XIRP2: variants seen among roughly 807,000 people sequenced by gnomAD.
The protein encoded by XIRP2 is xin actin binding repeat containing 2.
In XIRP2, 236 loss-of-function variants were observed where a neutral mutation model predicts 277.0. The ratio of observed to expected loss-of-function variants is 0.85; its 90% CI spans 0.77 to 0.95. The LOEUF (loss-of-function observed/expected upper bound fraction) is 0.95, where lower values mean the gene tolerates loss of function less well. XIRP2 is among the 40% of genes least tolerant of loss of function. The pLI is 0.00. For missense variants in XIRP2, 4,640 were observed against 4,157.5 expected (o/e 1.12, Z -3.19); for synonymous variants, 1,490 against 1,416.5 (o/e 1.05, Z -1.17).
At chr2:167,022,355 G>T (rs1001448543) in intron 2 of XIRP2, among the ~76,000 whole-genome samples, 5 of 151,996 alleles carry the variant, frequency 3.3e-5, no homozygotes, top group African/African-American at 1.2e-4. Flanking sequence ...AAGACACAAT[G>T]ATTTTCTAAA....
chr2:166,946,346 C>A (rs568613127), intron 2 of XIRP2, among the ~76,000 whole-genome samples: 1 of 152,280 alleles, frequency 6.6e-6, no homozygotes, highest in Non-Finnish European at 1.5e-5. Flanking sequence ...AGGCCACTAA[C>A]TGCGCAAACT....
At chr2:167,178,887 G>A (rs1692931070) in intron 3 of XIRP2, among the ~76,000 whole-genome samples, 2 of 152,104 alleles carry the variant, frequency 1.3e-5, no homozygotes, top group South Asian at 4.1e-4. Context: ...TTCACACAGA[G>A]TTGTTCAATA....
chr2:167,248,868 A>C lies in XIRP2; in HGVS notation c.7476A>C (p.Leu2492Phe), dbSNP rs951529707. The C allele has an allele frequency of 1.2e-6, 2 of 1,613,636 alleles. No homozygotes were observed. Among genetic ancestry groups the C allele is most frequent in the Non-Finnish European group, 1.7e-6 (2 of 1,179,786 alleles). ...ISKSLDERKQ[L>F]SIDSANCLSH... ...AGAGTCTTGATGAAAGAAAACAATT[A>C]TCTATTGACTCTGCAAACTGTCTCT... Residue 2492 changes from leucine to phenylalanine, a missense_variant, in exon 9 of 11, where the codon TTA becomes TTC. Transcript: ENST00000409195.
chr2:166,919,259 G>A (rs1019620949), intron 2 of XIRP2, among the ~76,000 whole-genome samples: 4 of 152,166 alleles, frequency 2.6e-5, no homozygotes, highest in African/African-American at 4.8e-5. Context: ...ATGTGTAGTG[G>A]TGAGTGAATG....
intron 2 of XIRP2, among the ~76,000 whole-genome samples, chr2:166,914,150 G>C (rs145815250): frequency 2.0e-4 from 30 of 152,300 alleles, no homozygotes; most frequent in Admixed American, 9.8e-4. Context: ...GAGGAGTTAT[G>C]ATGAAAGAAG....
chr2:167,093,473 C>T (rs967917429), intron 2 of XIRP2, among the ~76,000 whole-genome samples: 5 of 152,016 alleles, frequency 3.3e-5, no homozygotes, highest in Admixed American at 6.6e-5. Flanking sequence ...CCTTTGCCCC[C>T]AACTCCCCAA....
intron 2 of XIRP2, among the ~76,000 whole-genome samples, chr2:167,005,372 A>G (rs1407938009): frequency 5.9e-5 from 9 of 151,892 alleles, no homozygotes; most frequent in Admixed American, 5.3e-4. Context: ...GGGCTGTACC[A>G]GCTGGAGGGA....
chr2:167,006,521 T>A (rs560751591), intron 2 of XIRP2, among the ~76,000 whole-genome samples: 1 of 151,820 alleles, frequency 6.6e-6, no homozygotes, highest in Non-Finnish European at 1.5e-5. Context: ...TGTGTTTTTG[T>A]GATTTCTGTT....
At chr2:167,092,130 A>C (rs1690165393) in intron 2 of XIRP2, among the ~76,000 whole-genome samples, 1 of 152,136 alleles carries the variant, frequency 6.6e-6, no homozygotes, top group South Asian at 2.1e-4. Flanking sequence ...GGGGATTTTG[A>C]ACCAAGTTAC....
chr2:166,989,147 GT>G, intron 2 of XIRP2, among the ~76,000 whole-genome samples: 1 of 115,208 alleles, frequency 8.7e-6, no homozygotes, highest in Non-Finnish European at 1.7e-5. Flanking sequence ...CCTCAAGTGG[GT>G]CCCTGACCCC....
intron 3 of XIRP2, among the ~76,000 whole-genome samples, chr2:167,162,242 T>A (rs1692391497): frequency 6.6e-6 from 1 of 152,238 alleles, no homozygotes; most frequent in Admixed American, 6.5e-5. Flanking sequence ...TGTTACCCAG[T>A]TCCAAAGTTG....
rs114705203 is a variant in XIRP2, at chr2:166,928,056, C to T, written c.408+24166C>T. On this transcript the variant is annotated intron_variant, in intron 2 of 10. Coordinates refer to ENST00000409195, the MANE Select transcript of XIRP2 (RefSeq NM_152381.6). ...CTCTCTGCCTTCAGTAGATCAATGTCCAAGGCTAGAAGAACCAGCTCAAAG... is the reference window on the plus strand; with the variant it reads ...CTCTCTGCCTTCAGTAGATCAATGTTCAAGGCTAGAAGAACCAGCTCAAAG... Among the ~76,000 whole-genome samples, 122 of 152,136 alleles carry T rather than the reference C, an allele frequency of 8.0e-4. 1 individual carries two copies. Among genetic ancestry groups the T allele is most frequent in the Non-Finnish European group, 1.6e-3 (107 of 67,994 alleles).
intron 2 of XIRP2, among the ~76,000 whole-genome samples, chr2:167,037,747 CATA>C (rs1688551554): frequency 6.6e-6 from 1 of 151,760 alleles, no homozygotes; most frequent in Non-Finnish European, 1.5e-5. Context: ...ACATTAAAAA[CATA>C]ATAAATAATC....
intron 2 of XIRP2, among the ~76,000 whole-genome samples, chr2:166,924,690 T>C (rs147804645): frequency 9.5e-4 from 144 of 152,154 alleles, no homozygotes; most frequent in African/African-American, 3.3e-3. Flanking sequence ...GGATGGCAAA[T>C]AACAGAACAT....
intron 3 of XIRP2, among the ~76,000 whole-genome samples, chr2:167,139,818 G>A (rs1316554331): frequency 6.6e-6 from 1 of 152,166 alleles, no homozygotes; most frequent in Non-Finnish European, 1.5e-5. Flanking sequence ...CTAGCCACAT[G>A]TAGCTATTAT....
At chr2:167,114,280 G>T (rs1232799637) in intron 2 of XIRP2, among the ~76,000 whole-genome samples, 1 of 151,838 alleles carries the variant, frequency 6.6e-6, no homozygotes, top group Non-Finnish European at 1.5e-5. Context: ...TCATAGATGT[G>T]GTCTCTTTAC....
intron 3 of XIRP2, among the ~76,000 whole-genome samples, chr2:167,201,748 C>A (rs934996679): frequency 3.9e-4 from 60 of 152,172 alleles, no homozygotes; most frequent in Admixed American, 1.8e-3. Flanking sequence ...ATGCTGAAGT[C>A]AATGTCTAGA....
At chr2:166,982,344 G>T (rs1393067553) in intron 2 of XIRP2, among the ~76,000 whole-genome samples, 2 of 146,882 alleles carry the variant, frequency 1.4e-5, no homozygotes. Flanking sequence ...AAAACAGTCT[G>T]GGTTAATATT....
At chr2:167,098,859 G>C (rs1261395138) in intron 2 of XIRP2, among the ~76,000 whole-genome samples, 2 of 152,160 alleles carry the variant, frequency 1.3e-5, no homozygotes, top group Non-Finnish European at 2.9e-5. Flanking sequence ...GTTTGGCTGG[G>C]TATCACCAGT....
Sources: allele counts gnomAD v4.1 joint callset (sites outside exome capture counted in the v4.1 genomes callset), GRCh38; gene constraint gnomAD v4.1.1; transcripts MANE v1.5; gene names NCBI Gene and HGNC (gene_info 2026-07-23, HGNC 2026-07-21).